Variants in PTPRU observed in about 807,000 individuals in gnomAD.
PTPRU encodes the protein receptor-type tyrosine-protein phosphatase U.
PTPRU carries 69 observed loss-of-function variants against 166.3 expected under a neutral mutation model. That is an observed-to-expected ratio of 0.41 (90% CI 0.34 to 0.51). The LOEUF (loss-of-function observed/expected upper bound fraction) is 0.51. Ranked by LOEUF, PTPRU falls within the 20% of genes least tolerant of loss-of-function variation. The probability of loss-of-function intolerance (pLI) is 0.09; values close to 1 mark genes in which losing one functional copy is unlikely to be tolerated. For missense variants in PTPRU, 1,657 were observed against 2,013.7 expected, an observed-to-expected ratio of 0.82 and a Z score of 3.39; for synonymous variants, 793 against 814.0, an observed-to-expected ratio of 0.97 and a Z score of 0.44.
chr1:29,304,087 T>G (rs948102134), intron 16 of PTPRU, 42 bp downstream of exon 16: 1 of 1,573,030 alleles, frequency 6.4e-7, no homozygotes, highest in Non-Finnish European at 8.7e-7. Context: ...TGCAGAGGCC[T>G]CACCTGGCTC....
At chr1:29,245,642 C>A (rs1257189388) in intron 1 of PTPRU, among the ~76,000 whole-genome samples, 1 of 152,144 alleles carries the variant, frequency 6.6e-6, no homozygotes, top group Non-Finnish European at 1.5e-5. Context: ...CTGCATTGTC[C>A]CATTGGACCG....
At chr1:29,282,242 G>A (rs1333424105) in intron 11 of PTPRU, among the ~76,000 whole-genome samples, 2 of 152,160 alleles carry the variant, frequency 1.3e-5, no homozygotes, top group Non-Finnish European at 2.9e-5. Context: ...AATGAATCTG[G>A]CTAACCCTGT....
chr1:29,280,225 A>G lies in PTPRU; in HGVS notation c.1868+84A>G. On this transcript the variant is annotated intron_variant, in intron 11 of 29. Transcript: ENST00000373779. The surrounding 1 kb of genome is among the most constrained non-coding windows in gnomAD (Gnocchi z 4.2). ...CTGACCCAGAGCCCCATCCCAGGCCAGCTCACCCTTTTCCTCCCTCAGTCT... is the reference window on the plus strand; with the variant it reads ...CTGACCCAGAGCCCCATCCCAGGCCGGCTCACCCTTTTCCTCCCTCAGTCT... 7.4e-7 allele frequency: 1 copy of G among 1,343,170 alleles called. No homozygotes were observed. Among genetic ancestry groups the G allele is most frequent in the South Asian group, 1.3e-5 (1 of 78,242 alleles). The allele number at this position is 1,343,170 out of a possible 1,614,324, so 83.2% of individuals were successfully genotyped here. A position where few individuals can be genotyped will look rare whatever the true frequency, so the allele number is the denominator to read the frequency against.
chr1:29,300,623 A>G (rs768174693), intron 15 of PTPRU, among the ~76,000 whole-genome samples: 3 of 152,246 alleles, frequency 2.0e-5, no homozygotes, highest in Non-Finnish European at 4.4e-5. Flanking sequence ...CCACAATGGC[A>G]TAACTGGTAC....
chr1:29,248,661 G>A (rs576037326), intron 1 of PTPRU, among the ~76,000 whole-genome samples: 1 of 152,182 alleles, frequency 6.6e-6, no homozygotes, highest in Admixed American at 6.5e-5. Context: ...CATTGGGCAT[G>A]GAGTGCTGTT....
rs1687882625 is a variant in PTPRU, at chr1:29,315,957, A to G, written c.3364-45A>G. 1 of 1,605,966 alleles carries G rather than the reference A, an allele frequency of 6.2e-7. No individual in the cohort carries two copies. The highest frequency in any genetic ancestry group is 1.3e-5 in the African/African-American group (1 of 74,900). ...TTAAGCCCCATCACCACAGATCTCC[A>G]GCTTCTAGGCCCCTCCTCGGCCTCA... is the stretch of plus-strand genomic sequence containing the variant. On this transcript the variant is annotated intron_variant, in intron 23 of 29. Transcript: ENST00000373779. The surrounding 1 kb of genome is among the most constrained non-coding windows in gnomAD (Gnocchi z 4.5).
intron 7 of PTPRU, among the ~76,000 whole-genome samples, chr1:29,274,795 A>G (rs997125123): frequency 6.6e-6 from 1 of 152,146 alleles, no homozygotes; most frequent in Admixed American, 6.6e-5. Flanking sequence ...TCACACCTGT[A>G]ACCCAAGCAC....
intron 15 of PTPRU, among the ~76,000 whole-genome samples, chr1:29,295,235 G>A (rs972868121): frequency 9.2e-5 from 14 of 151,934 alleles, no homozygotes; most frequent in African/African-American, 3.4e-4. Flanking sequence ...GTAGAGACGG[G>A]GTTTCACTAT....
At chr1:29,318,587 G>A (rs1688004358) in intron 25 of PTPRU, among the ~76,000 whole-genome samples, 1 of 152,208 alleles carries the variant, frequency 6.6e-6, no homozygotes, top group Non-Finnish European at 1.5e-5. Flanking sequence ...ATAGACACAG[G>A]AGACACACGG....
At position 29,301,101 on chromosome 1, in the gene PTPRU, C is replaced by T. The variant is rs547516934; in HGVS notation, c.2477-2754C>T. Reference sequence around the variant, plus strand: ...CCCCACTGACAGTCCCCCACTGGACCCTGCCAGCTTAGATCTGGGCAGAGA... The same window carrying T: ...CCCCACTGACAGTCCCCCACTGGACTCTGCCAGCTTAGATCTGGGCAGAGA... On this transcript the variant is annotated intron_variant, in intron 15 of 29. Coordinates refer to ENST00000373779, the MANE Select transcript of PTPRU (RefSeq NM_133178.4). Among the ~76,000 whole-genome samples, 298 of 152,204 alleles carry T rather than the reference C, an allele frequency of 2.0e-3. 1 individual carries two copies. The highest frequency in any genetic ancestry group is 3.7e-3 in the Non-Finnish European group (253 of 68,010).
rs1204498838 is a variant in PTPRU, at chr1:29,238,256, G to A, written c.73+1539G>A. ...GTGCTCGTCGGAGTGTGGACGGTGT[G>A]TCGGATGTGTGTGCGTGCGCGTGTT... On this transcript the variant is annotated intron_variant, in intron 1 of 29. Transcript: ENST00000373779. This position sits in a 1 kb window ranked among gnomAD's most constrained non-coding sequence, Gnocchi z 6.1. Among the ~76,000 whole-genome samples the A allele has an allele frequency of 6.6e-6, 1 of 151,996 alleles. No individual in the cohort carries two copies. Among genetic ancestry groups the A allele is most frequent in the Non-Finnish European group, 1.5e-5 (1 of 67,968 alleles).
chr1:29,296,880 A>T (rs998883069), intron 15 of PTPRU, among the ~76,000 whole-genome samples: 41 of 151,616 alleles, frequency 2.7e-4, no homozygotes, highest in African/African-American at 9.9e-4. Flanking sequence ...CAGGCTTTCT[A>T]TTTTTTTAAA....
intron 7 of PTPRU, among the ~76,000 whole-genome samples, chr1:29,274,981 C>G (rs1685727810): frequency 6.8e-6 from 1 of 147,186 alleles, no homozygotes; most frequent in Non-Finnish European, 1.5e-5. Flanking sequence ...ACCTGGGAGG[C>G]AGAGGTTGCA....
intron 15 of PTPRU, among the ~76,000 whole-genome samples, chr1:29,301,910 G>T (rs899681089): frequency 6.6e-6 from 1 of 152,128 alleles, no homozygotes; most frequent in Non-Finnish European, 1.5e-5. Flanking sequence ...AAAGGACATG[G>T]ACTCATCCTT....
chr1:29,248,916 A>G (rs572046707), intron 1 of PTPRU, among the ~76,000 whole-genome samples: 43 of 152,106 alleles, frequency 2.8e-4, no homozygotes, highest in Non-Finnish European at 4.6e-4. Flanking sequence ...CCTCTGCCCC[A>G]AGATGACTCT....
rs935299306 is a variant in PTPRU, at chr1:29,266,011, T to G, written c.1144+5108T>G. ...TGTCTCCCAAAGATTTTCTCCTGGG[T>G]TTTTTTTTTTTTTTTTTTTTTTTTT... On this transcript the variant is annotated intron_variant, in intron 7 of 29. Coordinates refer to ENST00000373779, the MANE Select transcript of PTPRU (RefSeq NM_133178.4). Among the ~76,000 whole-genome samples the G allele has an allele frequency of 2.1e-4, 8 of 38,930 alleles. No homozygotes were observed. In the South Asian group the frequency reaches 5.2e-3, roughly 26 times the overall value. 25.5% of individuals were successfully genotyped at this position (38,930 alleles called of 152,430 possible).
At chr1:29,305,813 G>T (rs1294980991) in intron 18 of PTPRU, among the ~76,000 whole-genome samples, 2 of 152,212 alleles carry the variant, frequency 1.3e-5, no homozygotes, top group Admixed American at 1.3e-4. Context: ...AGGAGTGGGG[G>T]CTTTTTCCTA....
rs1169972332 is a variant in PTPRU at position 29,238,491 on chromosome 1, G to A, written c.73+1774G>A. 6.6e-6 allele frequency among the ~76,000 whole-genome samples: 1 copy of A among 152,178 alleles called. No homozygotes were observed. Among genetic ancestry groups the A allele is most frequent in the African/African-American group, 2.4e-5 (1 of 41,448 alleles). ...TCACGGTCGCCAGCCGCAGACAACT[G>A]ACCTCCCCGGCATCGCGTTCGCGGC... On this transcript the variant is annotated intron_variant, in intron 1 of 29. Transcript: ENST00000373779. This position sits in a 1 kb window ranked among gnomAD's most constrained non-coding sequence, Gnocchi z 6.1.
chr1:29,279,617 C>A lies in PTPRU; in HGVS notation c.1725C>A (p.Phe575Leu). ...TGCGGGCCCGCACAGGCAAAGGCTTCGGCCAGGCGGCACTCACTGAGATAA... is the reference window on the plus strand; with the variant it reads ...TGCGGGCCCGCACAGGCAAAGGCTTAGGCCAGGCGGCACTCACTGAGATAA... The part of the protein sequence containing the change: ...FSVRARTGKG[F>L]GQAALTEITT... The change falls in exon 10 of 30, where the codon TTC becomes TTA. Residue 575 changes from phenylalanine to leucine, a missense_variant. Physicochemically the swap from Phe to Leu is conservative, Grantham distance 22. Transcript: ENST00000373779. The surrounding 1 kb of genome is among the most constrained non-coding windows in gnomAD (Gnocchi z 5.2). 6.2e-7 allele frequency: 1 copy of A among 1,613,462 alleles called. No individual in the cohort carries two copies.
Sources: gnomAD v4.1 joint callset for allele counts (sites outside exome capture counted in the v4.1 genomes callset) on GRCh38, gnomAD v4.1.1 for gene constraint, Gnocchi (gnomAD v3.1) non-coding constraint, MANE v1.5 for transcripts, NCBI Gene and HGNC (gene_info 2026-07-23, HGNC 2026-07-21) for gene names.